Variants in SOX6 observed in about 807,000 individuals in gnomAD.
The protein encoded by SOX6 is transcription factor SOX-6.
A neutral mutation model predicts 97.8 loss-of-function variants in SOX6; 11 were observed. The ratio of observed to expected loss-of-function variants is 0.11; its 90% confidence interval spans 0.07 to 0.19. SOX6 has a LOEUF of 0.19. Among genes scored for constraint, SOX6 ranks in the 10% least tolerant of loss-of-function variants. The probability of loss-of-function intolerance (pLI) is 1.00; values close to 1 mark genes in which losing one functional copy is unlikely to be tolerated. For synonymous variants in SOX6, 360 were observed against 371.4 expected (o/e 0.97, Z 0.35); for missense variants, 810 against 1,039.5 (o/e 0.78, Z 3.04).
chr11:16,630,360 A>G (rs1848688123), intron 3 of SOX6, among the ~76,000 whole-genome samples: 1 of 152,182 alleles, frequency 6.6e-6, no homozygotes. Flanking sequence ...AAAGTCATCC[A>G]GGGGTAAGTT....
rs999617740 is a variant in SOX6, at chr11:16,438,134, T to C, written c.-5+38181A>G. Among the ~76,000 whole-genome samples, 6 of 152,160 alleles carry C rather than the reference T, an allele frequency of 3.9e-5. 1 individual carries two copies. Among genetic ancestry groups the C allele is most frequent in the Non-Finnish European group, 8.8e-5 (6 of 68,008 alleles). ...ATGTATGTTTTTGTGTGTGTGAGTG[T>C]GTATATGTGTGTATACATATATATA... On this transcript the variant is annotated intron_variant, in intron 1 of 15. Coordinates refer to the SOX6 transcript ENST00000396356.
intron 1 of SOX6, among the ~76,000 whole-genome samples, chr11:16,417,007 A>C (rs565153881): frequency 6.6e-6 from 1 of 152,162 alleles, no homozygotes. Context: ...TACTGGACGA[A>C]TTTAGCTACA....
intron 3 of SOX6, among the ~76,000 whole-genome samples, chr11:16,687,136 A>G (rs1359003099): frequency 6.6e-6 from 1 of 152,202 alleles, no homozygotes. Context: ...AAAAAACAAA[A>G]AAAGAAATAC....
intron 3 of SOX6, among the ~76,000 whole-genome samples, chr11:16,244,707 ATCTTG>A (rs748753223): frequency 5.3e-5 from 8 of 151,532 alleles, no homozygotes; most frequent in East Asian, 1.9e-4. Flanking sequence ...CCAATGAGTT[ATCTTG>A]TCTTAACTGT....
At chr11:16,485,908 A>G (rs1359903618) in intron 4 of SOX6, among the ~76,000 whole-genome samples, 44 of 93,010 alleles carry the variant, frequency 4.7e-4, no homozygotes, top group African/African-American at 1.8e-3. Context: ...AAGGGAAGGG[A>G]AGAAAAGGGA....
At chr11:16,025,655 A>G (rs2133877299) in intron 12 of SOX6, among the ~76,000 whole-genome samples, 1 of 152,300 alleles carries the variant, frequency 6.6e-6, no homozygotes, top group East Asian at 1.9e-4. Context: ...AAGCTATACG[A>G]ACCAAGAATA....
At chr11:16,360,486 T>C (rs1416820294), upstream of SOX6, among the ~76,000 whole-genome samples, 1 of 152,192 alleles carries the variant, frequency 6.6e-6, no homozygotes, top group African/African-American at 2.4e-5. Context: ...ATTTGTTTCC[T>C]CCTATATGTT....
chr11:16,175,763 CT>C (rs1296740527), intron 6 of SOX6, among the ~76,000 whole-genome samples: 2 of 151,842 alleles, frequency 1.3e-5, no homozygotes, highest in African/African-American at 4.8e-5. Flanking sequence ...TATTTTCTAA[CT>C]TTTTTGTCTT....
chr11:16,703,363 CA>C (rs1314991434), intron 3 of SOX6, among the ~76,000 whole-genome samples: 1 of 151,970 alleles, frequency 6.6e-6, no homozygotes, highest in African/African-American at 2.4e-5. Flanking sequence ...TTGCCATTGC[CA>C]GAAACATTCT....
At chr11:16,316,982 T>A (rs1040765932) in intron 3 of SOX6, 2 of 152,040 alleles carry the variant, frequency 1.3e-5, no homozygotes, top group Admixed American at 6.6e-5. Flanking sequence ...TTATCTAATT[T>A]TATAATCTAT....
At chr11:16,473,317 A>G (rs963124620) in intron 1 of SOX6, among the ~76,000 whole-genome samples, 2 of 152,216 alleles carry the variant, frequency 1.3e-5, no homozygotes, top group African/African-American at 2.4e-5. Flanking sequence ...AGTGCATATA[A>G]GTTATGTTGA....
In SOX6 at chr11:16,378,002, G is replaced by A. The variant is rs561889154; in HGVS notation, c.-4-36750C>T. Among the ~76,000 whole-genome samples, 14 of 152,058 alleles carry A rather than the reference G, an allele frequency of 9.2e-5. No homozygotes were observed. In the South Asian group the frequency reaches 2.5e-3, roughly 27 times the overall value. The stretch of plus-strand genomic sequence containing the variant: ...ATCAAAACCAGTAAAAATTATCTTC[G>A]AACTAGCTATCTAGGAATTTACTCC... On this transcript the variant is annotated intron_variant, in intron 1 of 15. Transcript: ENST00000396356.
chr11:16,405,940 C>T lies in SOX6; in HGVS notation c.-4-64688G>A, dbSNP rs376605424. On this transcript the variant is annotated intron_variant, in intron 1 of 15. Coordinates refer to the SOX6 transcript ENST00000396356. ...ACTTCTCCTTAGTCAAAATTGCTCT[C>T]GACAAAGGGTATATTGTCCTTTGCA... Among the ~76,000 whole-genome samples, 61 of 152,144 alleles carry T rather than the reference C, an allele frequency of 4.0e-4. No individual in the cohort carries two copies. The South Asian group carries it at 0.012, about 31-fold the overall frequency.
chr11:16,000,580 A>C (rs563745030), intron 13 of SOX6, among the ~76,000 whole-genome samples: 1 of 139,052 alleles, frequency 7.2e-6, no homozygotes, highest in East Asian at 2.0e-4. Context: ...GAAAACCATA[A>C]GTAAAGTTTA....
At chr11:16,554,635 T>C (rs1411631549) in intron 4 of SOX6, among the ~76,000 whole-genome samples, 1 of 152,134 alleles carries the variant, frequency 6.6e-6, no homozygotes, top group East Asian at 1.9e-4. Context: ...TCTTAACAAT[T>C]GAACTATACC....
chr11:16,533,777 T>C (rs879377995), intron 4 of SOX6, among the ~76,000 whole-genome samples: 1 of 152,118 alleles, frequency 6.6e-6, no homozygotes, highest in Non-Finnish European at 1.5e-5. Flanking sequence ...ACAATAAATT[T>C]GTGTCATTTT....
At chr11:16,333,976 G>A (rs1340033580) in intron 2 of SOX6, among the ~76,000 whole-genome samples, 1 of 152,094 alleles carries the variant, frequency 6.6e-6, no homozygotes, top group Non-Finnish European at 1.5e-5. Flanking sequence ...GGCAAATTAG[G>A]AGAACGTTGG....
intron 1 of SOX6, among the ~76,000 whole-genome samples, chr11:16,348,685 G>C (rs1372950556): frequency 1.3e-5 from 2 of 151,994 alleles, no homozygotes; most frequent in African/African-American, 2.4e-5. Flanking sequence ...ATCATTAAAG[G>C]GTATGTCAGC....
intron 6 of SOX6, among the ~76,000 whole-genome samples, chr11:16,156,321 C>T (rs1452543270): frequency 6.6e-6 from 1 of 151,968 alleles, no homozygotes; most frequent in Non-Finnish European, 1.5e-5. Flanking sequence ...TCTTAATCTC[C>T]ATCACATGTT....
Sources: allele counts gnomAD v4.1 joint callset (sites outside exome capture counted in the v4.1 genomes callset), GRCh38; gene constraint gnomAD v4.1.1; transcripts MANE v1.5; gene names NCBI Gene and HGNC (gene_info 2026-07-23, HGNC 2026-07-21).